The following ARID3A variants were observed in gnomAD, a reference collection of about 807,000 sequenced individuals.
ARID3A encodes AT-rich interaction domain 3A.
In ARID3A, 11 loss-of-function variants were observed where a neutral mutation model predicts 52.7. That is an observed-to-expected ratio of 0.21 (90% CI 0.13 to 0.35). The LOEUF (loss-of-function observed/expected upper bound fraction) is 0.35, where lower values mean the gene tolerates loss of function less well. Ranked by LOEUF, ARID3A falls within the 10% of genes least tolerant of loss-of-function variation. ARID3A has a pLI of 1.00. For missense variants in ARID3A, 721 were observed against 838.5 expected (o/e 0.86, Z 1.73); for synonymous variants, 404 against 359.4 (o/e 1.12, Z -1.40).
In ARID3A at chr19:944,325, G is replaced by GGTGTGTGTGTGTGT. The variant is rs74873695; in HGVS notation, c.693+11594_693+11607dup. On this transcript the variant is annotated intron_variant, in intron 3 of 8. Coordinates refer to ENST00000263620, the MANE Select transcript of ARID3A (RefSeq NM_005224.3). The surrounding 1 kb of genome is among the most constrained non-coding windows in gnomAD (Gnocchi z 5.9). ...TCTGGCTGCAGGGGCGCGTCCAGGG[G>GGTGTGTGTGTGTGT]GTGTGTGTGTGTGTGTGTGTGTGTC... is the stretch of plus-strand genomic sequence containing the variant. 1.3e-3 allele frequency among the ~76,000 whole-genome samples: 189 copies of GGTGTGTGTGTGTGT among 149,838 alleles called. 1 individual carries two copies. Among genetic ancestry groups the GGTGTGTGTGTGTGT allele is most frequent in the African/African-American group, 4.5e-3 (184 of 40,968 alleles).
In ARID3A at chr19:929,814, G is replaced by C. The variant is rs752500578; in HGVS notation, c.286G>C (p.Glu96Gln). Reference protein sequence around the residue: ...PGSEEEDAAREGTPGSPGRGR... With the variant: ...PGSEEEDAARQGTPGSPGRGR... ...CTCGGAGGAGGAGGACGCGGCCCGG[G>C]AGGGGACACCGGGCTCACCCGGGCG... is the stretch of plus-strand genomic sequence containing the variant. Residue 96 changes from glutamate to glutamine, a missense_variant, in exon 2 of 9, where the codon GAG (glutamate) becomes CAG (glutamine). This residue lies in a region of ARID3A where 349 missense variants were observed against 297.3 expected (regional missense o/e 1.17). Coordinates refer to ENST00000263620, the MANE Select transcript of ARID3A (RefSeq NM_005224.3). This position sits in a 1 kb window ranked among gnomAD's most constrained non-coding sequence, Gnocchi z 6.2. The C allele has an allele frequency of 1.4e-5, 22 of 1,546,242 alleles. No individual in the cohort carries two copies. In the Admixed American group the frequency reaches 4.1e-4, roughly 29 times the overall value.
rs1568378193 is a variant in ARID3A at position 973,103 on chromosome 19, A to ATTTTTTTTTTTTTTTTTTTT, written c.*1038_*1039insTTTTTTTTTTTTTTTTTTTT. 3.6e-4 allele frequency: 5 copies of ATTTTTTTTTTTTTTTTTTTT among 13,990 alleles called. No homozygotes were observed. Among genetic ancestry groups the ATTTTTTTTTTTTTTTTTTTT allele is most frequent in the South Asian group, 4.1e-3 (1 of 246 alleles). 0.9% of individuals were successfully genotyped at this position (13,990 alleles called of 1,614,324 possible). The stretch of plus-strand genomic sequence containing the variant: ...TGGGCTCTCGAGTCAGGGGCCTGGA[A>ATTTTTTTTTTTTTTTTTTTT]ATTTTTTTTTTTTTTTTTTTTTGAG... On this transcript the variant is annotated 3_prime_UTR_variant, in exon 9 of 9. Coordinates refer to ENST00000263620, the MANE Select transcript of ARID3A (RefSeq NM_005224.3).
In ARID3A at chr19:932,838, G is replaced by T. The variant is rs563681425; in HGVS notation, c.693+96G>T. ...CGTTGCACGGGGTGTGTGCTGAGCC[G>T]GGCGTCGAGTTGAGAGCTGGGGGTT... On this transcript the variant is annotated intron_variant, in intron 3 of 8. Coordinates refer to ENST00000263620, the MANE Select transcript of ARID3A (RefSeq NM_005224.3). 2.7e-6 allele frequency: 4 copies of T among 1,500,396 alleles called. No individual in the cohort carries two copies. In the African/African-American group the frequency reaches 4.3e-5, roughly 16 times the overall value. The allele number at this position is 1,500,396 out of a possible 1,614,324, so 92.9% of individuals were successfully genotyped here.
Position 965,032 on chromosome 19 carries a change from G to C in ARID3A, c.1150G>C (p.Ala384Pro). Residue 384 changes from alanine (A) to proline (P), a missense_variant, in exon 6 of 9, where the codon GCA becomes CCA. By Grantham distance (27) the Ala-to-Pro change is conservative. Around this residue, in one of 5 missense-constraint regions of ARID3A, gnomAD observed 297 missense variants for 343.2 expected, o/e 0.87. Transcript: ENST00000263620. ...KLPVSSLGLA[A>P]STNGSSITPA... ...ACCCGTGTCCTCCCTGGGCCTGGCC[G>C]CAAGCACCAATGGCAGCTCCATCAC... is the stretch of plus-strand genomic sequence containing the variant. 2 of 1,612,974 alleles carry C rather than the reference G, an allele frequency of 1.2e-6. No individual in the cohort carries two copies. The highest frequency in any genetic ancestry group is 1.7e-6 in the Non-Finnish European group (2 of 1,179,526).
At chr19:936,754 A>G (rs2037447255) in intron 3 of ARID3A, among the ~76,000 whole-genome samples, 1 of 152,206 alleles carries the variant, frequency 6.6e-6, no homozygotes, top group South Asian at 2.1e-4. Context: ...AGGCAGGGGA[A>G]TCACTTGAAC....
Position 938,257 on chromosome 19 carries a change from C to T in ARID3A, c.693+5515C>T, listed in dbSNP as rs2037476687. ...CCTCTGCTTTCCAAAGTAAAGCTTGCTGCCCATGTAACTTGCAGATGAGCT... is the reference window on the plus strand; with the variant it reads ...CCTCTGCTTTCCAAAGTAAAGCTTGTTGCCCATGTAACTTGCAGATGAGCT... On this transcript the variant is annotated intron_variant, in intron 3 of 8. Transcript: ENST00000263620. This position sits in a 1 kb window ranked among gnomAD's most constrained non-coding sequence, Gnocchi z 4.0. Among the ~76,000 whole-genome samples, 1 of 152,342 alleles carries T rather than the reference C, an allele frequency of 6.6e-6. No individual in the cohort carries two copies. Among genetic ancestry groups the T allele is most frequent in the South Asian group, 2.1e-4 (1 of 4,828 alleles).
chr19:970,385 G>A (rs1392869397), intron 8 of ARID3A, among the ~76,000 whole-genome samples: 2 of 151,848 alleles, frequency 1.3e-5, no homozygotes, highest in South Asian at 2.1e-4. Context: ...AGTGGCCCAC[G>A]CCTGTAATCC....
At position 947,555 on chromosome 19, in the gene ARID3A, G is replaced by A. The variant is rs550077285; in HGVS notation, c.694-12537G>A. On this transcript the variant is annotated intron_variant, in intron 3 of 8. Coordinates refer to ENST00000263620, the MANE Select transcript of ARID3A (RefSeq NM_005224.3). The surrounding 1 kb of genome is among the most constrained non-coding windows in gnomAD (Gnocchi z 6.3). ...GCCCCCACCCAGATGCCCCGGGACC[G>A]TTTCACAGATGAGAAGACCGAGGTG... is the stretch of plus-strand genomic sequence containing the variant. Among the ~76,000 whole-genome samples, 6 of 152,206 alleles carry A rather than the reference G, an allele frequency of 3.9e-5. No homozygotes were observed. The East Asian group carries it at 7.7e-4, about 20-fold the overall frequency.
intron 3 of ARID3A, among the ~76,000 whole-genome samples, chr19:955,455 G>A (rs865836491): frequency 6.6e-6 from 1 of 152,176 alleles, no homozygotes; most frequent in Non-Finnish European, 1.5e-5. Flanking sequence ...ACCGTGCCTC[G>A]CCACCGGCCC....
Position 960,157 on chromosome 19 carries a change from G to A in ARID3A, c.759G>A (p.Gln253=). The A allele has an allele frequency of 1.9e-6, 3 of 1,611,660 alleles. No individual in the cohort carries two copies. The highest frequency in any genetic ancestry group is 2.2e-5 in the East Asian group (1 of 44,692). Reference sequence around the variant, plus strand: ...TGGATGACTTGTTCAGCTTCATGCAGAAGCGAGGTGAGCCCTCTGCCCCCA... The same window carrying A: ...TGGATGACTTGTTCAGCTTCATGCAAAAGCGAGGTGAGCCCTCTGCCCCCA... ...EFLDDLFSFM[Q]KRGTPVNRIP... is the part of the protein sequence containing the mutation. The change falls in exon 4 of 9, where the codon CAG becomes CAA. Residue 253 remains glutamine, a synonymous_variant. Coordinates refer to ENST00000263620, the MANE Select transcript of ARID3A (RefSeq NM_005224.3). The surrounding 1 kb of genome is among the most constrained non-coding windows in gnomAD (Gnocchi z 4.3).
chr19:932,668 G>A lies in ARID3A; in HGVS notation c.619G>A (p.Gly207Arg), dbSNP rs1388905828. Residue 207 changes from glycine (G) to arginine (R), a missense_variant, in exon 3 of 9, where the codon GGG becomes AGG. Gly to Arg is a moderately radical substitution (Grantham distance 125, BLOSUM62 -2). Coordinates refer to ENST00000263620, the MANE Select transcript of ARID3A (RefSeq NM_005224.3). ...GGGGCCTGGCCCTGCCCACCCCGGA[G>A]GGGCCGCCCACGTAGCCCCGCAGCT... is the stretch of plus-strand genomic sequence containing the variant. ...RPGPGPAHPG[G>R]AAHVAPQLQP... 1 of 1,545,770 alleles carries A rather than the reference G, an allele frequency of 6.5e-7. No homozygotes were observed. The highest frequency in any genetic ancestry group is 8.7e-7 in the Non-Finnish European group (1 of 1,146,034).
chr19:968,890 G>A (rs560817539), intron 8 of ARID3A: 4 of 156,210 alleles, frequency 2.6e-5, no homozygotes, highest in Non-Finnish European at 2.8e-5. Context: ...CTGGGCTCAC[G>A]CAATCTTCCT....
chr19:956,113 C>T (rs1269768149), intron 3 of ARID3A, among the ~76,000 whole-genome samples: 1 of 152,130 alleles, frequency 6.6e-6, no homozygotes, highest in Non-Finnish European at 1.5e-5. Context: ...TTCCAAATAA[C>T]GTCTCGTTCT....
chr19:960,171 C>T lies in ARID3A; in HGVS notation c.766+7C>T. 6.2e-7 allele frequency: 1 copy of T among 1,608,560 alleles called. No individual in the cohort carries two copies. Among genetic ancestry groups the T allele is most frequent in the South Asian group, 1.1e-5 (1 of 90,470 alleles). ...AGCTTCATGCAGAAGCGAGGTGAGC[C>T]CTCTGCCCCCACCCCGCTGGAGGGA... On this transcript the variant is annotated splice_region_variant and intron_variant, in intron 4 of 8. Transcript: ENST00000263620. This position sits in a 1 kb window ranked among gnomAD's most constrained non-coding sequence, Gnocchi z 4.3.
chr19:933,670 AG>A (rs1308085640), intron 3 of ARID3A, among the ~76,000 whole-genome samples: 1 of 151,980 alleles, frequency 6.6e-6, no homozygotes, highest in Non-Finnish European at 1.5e-5. Context: ...ACAGACACCC[AG>A]GGGGGCCTCC....
chr19:951,475 T>G (rs1201126273), intron 3 of ARID3A, among the ~76,000 whole-genome samples: 1 of 152,066 alleles, frequency 6.6e-6, no homozygotes, highest in Non-Finnish European at 1.5e-5. Flanking sequence ...GAGGATCACT[T>G]GAGCCCAGGA....
chr19:966,479 A>G (rs1377320032), intron 6 of ARID3A, 93 bp from the exon 7 acceptor site: 27 of 1,129,856 alleles, frequency 2.4e-5, no homozygotes, highest in African/African-American at 1.6e-5. Flanking sequence ...AAAAAAAGAA[A>G]AGAAAAGAAA....
At chr19:961,196 C>T (rs115051303) in intron 4 of ARID3A, among the ~76,000 whole-genome samples, 5,026 of 152,248 alleles carry the variant, frequency 0.033, 282 homozygotes, top group African/African-American at 0.11. Context: ...TGTCCCTGCA[C>T]TTGGGGCCGT....
intron 2 of ARID3A, among the ~76,000 whole-genome samples, chr19:930,205 G>C (rs1233772800): frequency 6.6e-6 from 1 of 151,048 alleles, no homozygotes; most frequent in African/African-American, 2.4e-5. Flanking sequence ...AGTTGTGATT[G>C]TGCCACTGCA....
Sources: allele counts gnomAD v4.1 joint callset (sites outside exome capture counted in the v4.1 genomes callset), GRCh38; gene constraint gnomAD v4.1.1; regional missense constraint gnomAD v4.1.1; non-coding constraint Gnocchi (gnomAD v3.1); transcripts MANE v1.5; gene names NCBI Gene and HGNC (gene_info 2026-07-23, HGNC 2026-07-21).